The following USP15 variants were observed in gnomAD, a reference collection of about 807,000 sequenced individuals.
The protein encoded by USP15 is ubiquitin carboxyl-terminal hydrolase 15.
USP15 carries 18 observed loss-of-function variants against 127.1 expected under a neutral mutation model. That is an observed-to-expected ratio of 0.14 (90% CI 0.10 to 0.21). USP15 has a LOEUF of 0.21. Among genes scored for constraint, USP15 ranks in the 10% least tolerant of loss-of-function variants. The probability of loss-of-function intolerance (pLI) is 1.00; values close to 1 mark genes in which losing one functional copy is unlikely to be tolerated. For missense variants in USP15, 805 were observed against 1,159.9 expected (o/e 0.69, Z 4.44); for synonymous variants, 364 against 393.7 (o/e 0.92, Z 0.89).
At chr12:62,348,159 G>C (rs2065872167) in intron 6 of USP15, among the ~76,000 whole-genome samples, 1 of 152,144 alleles carries the variant, frequency 6.6e-6, no homozygotes, top group Non-Finnish European at 1.5e-5. Context: ...AGTGAGCTGT[G>C]ATTGTGTCAC....
intron 11 of USP15, among the ~76,000 whole-genome samples, chr12:62,387,640 A>C (rs2067194609): frequency 6.6e-6 from 1 of 152,186 alleles, no homozygotes; most frequent in African/African-American, 2.4e-5. Flanking sequence ...GAAACAAGTT[A>C]AATAAAGAGG....
At chr12:62,395,504 A>G (rs1468410036) in intron 19 of USP15, among the ~76,000 whole-genome samples, 1 of 152,088 alleles carries the variant, frequency 6.6e-6, no homozygotes, top group Non-Finnish European at 1.5e-5. Context: ...GTTATAATCC[A>G]GTCACACTCT....
chr12:62,328,885 T>A (rs868220648), intron 6 of USP15, among the ~76,000 whole-genome samples: 12 of 152,140 alleles, frequency 7.9e-5, no homozygotes, highest in Admixed American at 2.0e-4. Context: ...ATTTGACAAC[T>A]TGGTATATGA....
rs574471352 is a variant in USP15 at position 62,376,781 on chromosome 12, G to T, written c.916-4709G>T. The stretch of plus-strand genomic sequence containing the variant: ...AGCATTGAGAGTAAGAGATATTCAC[G>T]TAGGCACAACACATATCCGATTTTT... On this transcript the variant is annotated intron_variant, in intron 8 of 21. Transcript: ENST00000280377. Among the ~76,000 whole-genome samples, 3 of 152,226 alleles carry T rather than the reference G, an allele frequency of 2.0e-5. No homozygotes were observed. The South Asian group carries it at 6.2e-4, about 32-fold the overall frequency.
Position 62,409,277 on chromosome 12 carries a change from A to C in USP15, c.*4902A>C, listed in dbSNP as rs2067978320. Reference sequence around the variant, plus strand: ...AGGACATTCAGAAACTGGCTAAGCCATTCAAGGAAAATCAGGAATTTACGT... The same window carrying C: ...AGGACATTCAGAAACTGGCTAAGCCCTTCAAGGAAAATCAGGAATTTACGT... On this transcript the variant is annotated 3_prime_UTR_variant, in exon 22 of 22. Transcript: ENST00000280377. The C allele has an allele frequency of 6.6e-6, 1 of 152,186 alleles. No homozygotes were observed. The highest frequency in any genetic ancestry group is 2.1e-4 in the South Asian group (1 of 4,832). The allele number at this position is 152,186 out of a possible 1,614,324, so 9.4% of individuals were successfully genotyped here.
chr12:62,281,822 A>G (rs1425769585), intron 1 of USP15, among the ~76,000 whole-genome samples: 2 of 152,204 alleles, frequency 1.3e-5, no homozygotes, highest in African/African-American at 4.8e-5. Flanking sequence ...TACAAGATCT[A>G]GGAAAGATAG....
intron 2 of USP15, among the ~76,000 whole-genome samples, chr12:62,296,631 G>A (rs1171628584): frequency 6.6e-6 from 1 of 152,114 alleles, no homozygotes; most frequent in Admixed American, 6.6e-5. Flanking sequence ...ACACCCAACA[G>A]AAACACTGAA....
At chr12:62,312,195 A>G (rs1415589726) in intron 3 of USP15, 2 of 174,234 alleles carry the variant, frequency 1.1e-5, no homozygotes, top group African/African-American at 2.4e-5. Flanking sequence ...ACAAAAGAGT[A>G]AGTCAGTCTG....
chr12:62,311,244 GT>G (rs1349619760), intron 3 of USP15, among the ~76,000 whole-genome samples: 3 of 151,822 alleles, frequency 2.0e-5, no homozygotes, highest in Non-Finnish European at 2.9e-5. Flanking sequence ...TAAGAACTGT[GT>G]TTTTCTATAC....
intron 3 of USP15, chr12:62,304,690 T>A (rs1434952485): frequency 8.8e-6 from 4 of 453,236 alleles, no homozygotes; most frequent in South Asian, 6.2e-5. Flanking sequence ...ACTCAAAGAA[T>A]GGACGAAAAG....
chr12:62,351,503 T>C (rs1180266783), intron 7 of USP15, among the ~76,000 whole-genome samples: 1 of 151,816 alleles, frequency 6.6e-6, no homozygotes, highest in East Asian at 2.0e-4. Flanking sequence ...ATATAGACTA[T>C]GTTGAATGTA....
intron 3 of USP15, among the ~76,000 whole-genome samples, chr12:62,312,696 C>T (rs150371164): frequency 4.2e-4 from 64 of 151,464 alleles, no homozygotes; most frequent in African/African-American, 1.2e-3. Context: ...ATCCCCCTTC[C>T]GATCTTATTT....
intron 6 of USP15, chr12:62,336,484 A>G: frequency 1.0e-6 from 1 of 985,356 alleles, no homozygotes; most frequent in Non-Finnish European, 1.2e-6. Context: ...AAGTTTTCAA[A>G]CAGTACCCCT....
At chr12:62,399,797 A>G (rs534918445) in intron 20 of USP15, among the ~76,000 whole-genome samples, 112 of 152,122 alleles carry the variant, frequency 7.4e-4, no homozygotes, top group Non-Finnish European at 1.3e-3. Flanking sequence ...TTAAACCATT[A>G]TTTTATTGTG....
intron 2 of USP15, among the ~76,000 whole-genome samples, chr12:62,297,312 C>G (rs2064159467): frequency 6.6e-6 from 1 of 152,022 alleles, no homozygotes; most frequent in Non-Finnish European, 1.5e-5. Context: ...GGAGTGTACC[C>G]CCAGTGTTCC....
chr12:62,399,216 G>A (rs2067597223), intron 20 of USP15, among the ~76,000 whole-genome samples: 1 of 152,100 alleles, frequency 6.6e-6, no homozygotes, highest in African/African-American at 2.4e-5. Flanking sequence ...ATTTAAGAAA[G>A]GATACAGGTC....
At chr12:62,328,453 A>G in intron 6 of USP15, 1 of 228,870 alleles carries the variant, frequency 4.4e-6, no homozygotes, top group Non-Finnish European at 9.6e-6. Flanking sequence ...ATAAATTTCT[A>G]ACCCCTGCCA....
At chr12:62,347,357 G>GTA (rs984256471) in intron 6 of USP15, among the ~76,000 whole-genome samples, 5 of 140,626 alleles carry the variant, frequency 3.6e-5, no homozygotes, top group South Asian at 2.2e-4. Context: ...TACACAAAGT[G>GTA]TATACACTGT....
chr12:62,383,784 G>T (rs56298756), intron 9 of USP15, 56 bp from the exon 10 acceptor site: 157,988 of 1,553,078 alleles, frequency 0.1, 8,528 homozygotes, highest in Middle Eastern at 0.15. Flanking sequence ...TTGTACATAT[G>T]TTTAAAAATC....
Sources: allele counts gnomAD v4.1 joint callset (sites outside exome capture counted in the v4.1 genomes callset), GRCh38; gene constraint gnomAD v4.1.1; transcripts MANE v1.5; gene names NCBI Gene and HGNC (gene_info 2026-07-23, HGNC 2026-07-21).